Variants in PPWD1 observed in about 807,000 individuals in gnomAD.
PPWD1 encodes peptidylprolyl isomerase domain and WD repeat-containing protein 1.
PPWD1 carries 43 observed loss-of-function variants against 68.8 expected under a neutral mutation model. The ratio of observed to expected loss-of-function variants is 0.62; its 90% confidence interval spans 0.49 to 0.81. PPWD1 has a LOEUF of 0.81. PPWD1 is among the 30% of genes least tolerant of loss of function. The pLI is 0.00. For synonymous variants in PPWD1, 232 were observed against 258.7 expected (o/e 0.90, Z 0.99); for missense variants, 672 against 804.8 (o/e 0.83, Z 2.00).
At chr5:65,578,660 ATTT>A (rs1561729084) in intron 6 of PPWD1, among the ~76,000 whole-genome samples, 1 of 150,264 alleles carries the variant, frequency 6.7e-6, no homozygotes, top group African/African-American at 2.4e-5. Context: ...TCCTTGGGAC[ATTT>A]TTTAATTGGG....
rs1235911107 is a variant in PPWD1 at position 65,585,168 on chromosome 5, ATCT to A, written c.1614+80_1614+82del. 12 of 1,410,516 alleles carry A rather than the reference ATCT, an allele frequency of 8.5e-6. 1 individual carries two copies. Among genetic ancestry groups the A allele is most frequent in the Middle Eastern group, 2.3e-4 (1 of 4,260 alleles). 87.4% of individuals were successfully genotyped at this position (1,410,516 alleles called of 1,614,324 possible). On this transcript the variant is annotated intron_variant, in intron 9 of 10. Coordinates refer to ENST00000261308, the MANE Select transcript of PPWD1 (RefSeq NM_015342.4). ...ATAGCAAGAGATTTAAGCGCAAGGA[ATCT>A]TCTTCTCTCACACTTAATCAGTTTA...
In PPWD1 at chr5:65,564,886, A is replaced by G. The variant is rs139866806; in HGVS notation, c.196+1380A>G. 3.6e-3 allele frequency among the ~76,000 whole-genome samples: 549 copies of G among 152,278 alleles called. 1 individual carries two copies. The highest frequency in any genetic ancestry group is 0.012 in the African/African-American group (502 of 41,550). ...TTTGGTCAACCTTTAGCACTTAGCT[A>G]TCATCTTCTCTGGGAAGCCTGTGAC... On this transcript the variant is annotated intron_variant, in intron 1 of 10. Transcript: ENST00000261308.
chr5:65,579,442 C>A lies in PPWD1; in HGVS notation c.1179C>A (p.Gly393=). The A allele has an allele frequency of 1.3e-6, 2 of 1,559,040 alleles. No homozygotes were observed. Among genetic ancestry groups the A allele is most frequent in the Admixed American group, 2.0e-5 (1 of 48,850 alleles). Reference sequence around the variant, plus strand: ...TTTTTAGGTGTGTGCGGATTTTAGGCAAACAAGAAAATATTAGAGTGATGC... The same window carrying A: ...TTTTTAGGTGTGTGCGGATTTTAGGAAAACAAGAAAATATTAGAGTGATGC... ...VETNRCVRIL[G]KQENIRVMQL... Residue 393 remains glycine, a synonymous_variant, in exon 7 of 11, where the codon GGC becomes GGA. Transcript: ENST00000261308.
Position 65,571,955 on chromosome 5 carries a change from A to T in PPWD1, c.638A>T (p.Gln213Leu). 1.9e-6 allele frequency: 3 copies of T among 1,614,038 alleles called. No individual in the cohort carries two copies. Among genetic ancestry groups the T allele is most frequent in the Non-Finnish European group, 2.5e-6 (3 of 1,179,898 alleles). The stretch of plus-strand genomic sequence containing the variant: ...ATTTATGATGGCCGAGGAGATAACC[A>T]GCCACTTCATATTTTTGACAAACTC... Reference protein sequence around the residue: ...IFIYDGRGDNQPLHIFDKLHT... With the variant: ...IFIYDGRGDNLPLHIFDKLHT... Residue 213 changes from glutamine (Q) to leucine (L), a missense_variant, in exon 5 of 11, where the codon CAG (glutamine) becomes CTG (leucine). This residue lies in a region of PPWD1 where 484 missense variants were observed against 646.2 expected (regional missense o/e 0.75). Transcript: ENST00000261308.
At chr5:65,576,260 T>C (rs983334950) in intron 5 of PPWD1, 11 of 923,088 alleles carry the variant, frequency 1.2e-5, no homozygotes, top group Non-Finnish European at 1.4e-5. Context: ...TGGAAAGTGC[T>C]ACTCTGTGAC....
chr5:65,571,099 T>C (rs36225), intron 4 of PPWD1, among the ~76,000 whole-genome samples: 98,028 of 152,024 alleles, frequency 0.64, 32,000 homozygotes, highest in African/African-American at 0.71. Context: ...AGATATTGAA[T>C]GTTTGCCCTT....
At chr5:65,584,313 A>T (rs918813957) in intron 8 of PPWD1, among the ~76,000 whole-genome samples, 3 of 152,178 alleles carry the variant, frequency 2.0e-5, no homozygotes, top group Non-Finnish European at 4.4e-5. Context: ...AGCTCTTAGA[A>T]GTATTACATG....
chr5:65,569,932 G>A lies in PPWD1; in HGVS notation c.455G>A (p.Gly152Asp). The A allele has an allele frequency of 6.2e-7, 1 of 1,612,442 alleles. No individual in the cohort carries two copies. ...GAGGGAGCATTGTTCTGTTCTGTGG[G>A]TGATGATAAAGCAATGAAGGTGTTT... is the stretch of plus-strand genomic sequence containing the variant. The part of the protein sequence containing the change: ...SSEGALFCSV[G>D]DDKAMKVFDV... The change falls in exon 4 of 11, where the codon GGT becomes GAT. Residue 152 changes from glycine (G) to aspartate (D), a missense_variant. Physicochemically the swap from Gly to Asp is moderately conservative, Grantham distance 94. Coordinates refer to ENST00000261308, the MANE Select transcript of PPWD1 (RefSeq NM_015342.4).
intron 3 of PPWD1, 21 bp downstream of exon 3, chr5:65,569,753 T>G (rs1459762701): frequency 6.3e-7 from 1 of 1,599,380 alleles, no homozygotes; most frequent in East Asian, 2.2e-5. Flanking sequence ...CACCTCATTT[T>G]CTTGTAGCTC....
chr5:65,574,448 CTTTTT>C (rs573705705), intron 5 of PPWD1, among the ~76,000 whole-genome samples: 73 of 91,990 alleles, frequency 7.9e-4, no homozygotes, highest in African/African-American at 2.7e-3. Context: ...ACACAAATCT[CTTTTT>C]TTTTTTTTTT....
At chr5:65,569,272 C>G (rs1416473077) in intron 2 of PPWD1, 4 of 277,284 alleles carry the variant, frequency 1.4e-5, no homozygotes, top group Non-Finnish European at 2.8e-5. Flanking sequence ...ATTTACTTAT[C>G]AGCTACTGAC....
intron 2 of PPWD1, chr5:65,567,914 T>TAC (rs1438925752): frequency 4.1e-6 from 1 of 244,296 alleles, no homozygotes. Context: ...GAGTAACTGG[T>TAC]ACCTGGCCTC....
intron 1 of PPWD1, among the ~76,000 whole-genome samples, chr5:65,565,062 C>G (rs1752675790): frequency 6.6e-6 from 1 of 152,236 alleles, no homozygotes; most frequent in Admixed American, 6.5e-5. Context: ...GACACCCTTA[C>G]AGTGCATTAT....
chr5:65,587,125 T>C (rs1753882864), intron 10 of PPWD1, 128 bp from the exon 11 acceptor site: 1 of 1,034,438 alleles, frequency 9.7e-7, no homozygotes, highest in Non-Finnish European at 1.3e-6. Flanking sequence ...TGAGAAATTA[T>C]TGTACTTCTT....
At chr5:65,585,490 A>G (rs371241824) in intron 9 of PPWD1, among the ~76,000 whole-genome samples, 26 of 152,286 alleles carry the variant, frequency 1.7e-4, no homozygotes, top group East Asian at 7.7e-4. Context: ...GTAATATACC[A>G]GAGGAGGAGA....
At chr5:65,581,604 AAAG>A (rs1442057752) in intron 7 of PPWD1, among the ~76,000 whole-genome samples, 2 of 152,212 alleles carry the variant, frequency 1.3e-5, no homozygotes, top group Non-Finnish European at 2.9e-5. Context: ...AACAGGCAAA[AAAG>A]GATATTTCTT....
intron 5 of PPWD1, among the ~76,000 whole-genome samples, chr5:65,573,825 G>A (rs1405210028): frequency 1.3e-5 from 2 of 152,078 alleles, no homozygotes; most frequent in African/African-American, 4.8e-5. Flanking sequence ...AGTGAGAACA[G>A]TACCTCACAC....
At position 65,569,700 on chromosome 5, in the gene PPWD1, T is replaced by G; in HGVS notation, c.368T>G (p.Ile123Ser). 3 of 1,609,704 alleles carry G rather than the reference T, an allele frequency of 1.9e-6. No individual in the cohort carries two copies. Among genetic ancestry groups the G allele is most frequent in the Non-Finnish European group, 2.5e-6 (3 of 1,177,290 alleles). ...VKFWKKIEEG[I>S]EFVKHFRSHL... ...TTCTGGAAAAAAATAGAAGAGGGAA[T>G]TGAATTTGTTAAACATTTTCGTAGT... Residue 123 changes from isoleucine to serine, a missense_variant, in exon 3 of 11, where the codon ATT (isoleucine) becomes AGT (serine). Ile to Ser is a moderately radical substitution (Grantham distance 142). Transcript: ENST00000261308.
Position 65,579,511 on chromosome 5 carries a change from A to C in PPWD1, c.1248A>C (p.Ala416=), listed in dbSNP as rs1472849879. 2 of 1,611,352 alleles carry C rather than the reference A, an allele frequency of 1.2e-6. No individual in the cohort carries two copies. The highest frequency in any genetic ancestry group is 1.3e-5 in the African/African-American group (1 of 74,764). The change falls in exon 7 of 11, where the codon GCA becomes GCC. Residue 416 remains alanine, a synonymous_variant. Coordinates refer to ENST00000261308, the MANE Select transcript of PPWD1 (RefSeq NM_015342.4). ...FQGIAKKHRA[A]TTIEMKASEN... ...GGATAGCCAAAAAGCATCGTGCTGC[A>C]ACTACTATAGAAATGAAAGCTTCTG...
Sources: allele counts gnomAD v4.1 joint callset (sites outside exome capture counted in the v4.1 genomes callset), GRCh38; gene constraint gnomAD v4.1.1; regional missense constraint gnomAD v4.1.1; transcripts MANE v1.5; gene names NCBI Gene and HGNC (gene_info 2026-07-23, HGNC 2026-07-21).